Variants in FYN observed in about 807,000 individuals in gnomAD.
The protein encoded by FYN is FYN proto-oncogene, Src family tyrosine kinase, also known as tyrosine-protein kinase Fyn.
FYN carries 10 observed loss-of-function variants against 70.2 expected under a neutral mutation model. The ratio of observed to expected loss-of-function variants is 0.14; its 90% CI spans 0.09 to 0.24. FYN has a LOEUF of 0.24. FYN is among the 10% of genes least tolerant of loss of function. FYN has a pLI of 1.00. For missense variants in FYN, 319 were observed against 673.1 expected (o/e 0.47, Z 5.82); for synonymous variants, 236 against 248.6 (o/e 0.95, Z 0.48).
In FYN at chr6:111,780,587, C is replaced by T. The variant is rs989180346; in HGVS notation, c.-33G>A. 6.6e-6 allele frequency: 1 copy of T among 152,620 alleles called. No individual in the cohort carries two copies. The highest frequency in any genetic ancestry group is 2.4e-5 in the African/African-American group (1 of 41,450). 9.5% of individuals were successfully genotyped at this position (152,620 alleles called of 1,614,324 possible). ...TTACCAAAATGTCCGCCAACGATCA[C>T]AAACTTTATATACACCACATGTCTT... On this transcript the variant is annotated 5_prime_UTR_variant, in exon 3 of 14. It adds an upstream start codon to the 5' untranslated region. Transcript: ENST00000354650.
intron 3 of FYN, among the ~76,000 whole-genome samples, chr6:111,748,483 C>T (rs1802336652): frequency 6.6e-6 from 1 of 152,182 alleles, no homozygotes; most frequent in African/African-American, 2.4e-5. Context: ...AGGAGACATG[C>T]ATGGCGTATC....
intron 3 of FYN, among the ~76,000 whole-genome samples, chr6:111,740,567 C>G (rs1047637239): frequency 1.3e-5 from 2 of 152,164 alleles, no homozygotes; most frequent in Non-Finnish European, 2.9e-5. Context: ...TAAAGTTACT[C>G]CCAGGCTTAA....
chr6:111,751,696 C>T (rs891069446), intron 3 of FYN, among the ~76,000 whole-genome samples: 1 of 152,088 alleles, frequency 6.6e-6, no homozygotes, highest in Non-Finnish European at 1.5e-5. Flanking sequence ...ATCACAGCTC[C>T]CTGCAGCCTC....
At chr6:111,832,233 G>A (rs982906364) in intron 2 of FYN, among the ~76,000 whole-genome samples, 1 of 152,146 alleles carries the variant, frequency 6.6e-6, no homozygotes, top group Non-Finnish European at 1.5e-5. Flanking sequence ...GTGCTTCCAG[G>A]GATAGCGCCG....
chr6:111,705,521 G>A (rs1800041705), intron 6 of FYN, among the ~76,000 whole-genome samples: 1 of 151,902 alleles, frequency 6.6e-6, no homozygotes, highest in African/African-American at 2.4e-5. Flanking sequence ...TGGGACTAAA[G>A]GTGCACATCA....
intron 3 of FYN, among the ~76,000 whole-genome samples, chr6:111,748,015 A>C (rs1802308622): frequency 6.6e-6 from 1 of 152,246 alleles, no homozygotes; most frequent in South Asian, 2.1e-4. Flanking sequence ...GGAGCTGTGA[A>C]ATATGAGGCA....
At chr6:111,766,390 T>C (rs1562512194) in intron 3 of FYN, among the ~76,000 whole-genome samples, 1 of 152,216 alleles carries the variant, frequency 6.6e-6, no homozygotes, top group African/African-American at 2.4e-5. Flanking sequence ...GGAATGTACA[T>C]TGCTTTTAGG....
chr6:111,741,819 C>T (rs1583392943), intron 3 of FYN, among the ~76,000 whole-genome samples: 2 of 152,192 alleles, frequency 1.3e-5, no homozygotes. Context: ...TGGGCCTCCC[C>T]CTGAGAATTT....
At chr6:111,752,192 G>A (rs1012879891) in intron 3 of FYN, among the ~76,000 whole-genome samples, 6 of 152,044 alleles carry the variant, frequency 3.9e-5, no homozygotes, top group Admixed American at 2.6e-4. Context: ...GTCCAACTTC[G>A]TGATCTTGGC....
At chr6:111,730,595 G>A (rs756247095) in intron 3 of FYN, among the ~76,000 whole-genome samples, 1 of 152,082 alleles carries the variant, frequency 6.6e-6, no homozygotes, top group African/African-American at 2.4e-5. Context: ...GCCTGCCCTC[G>A]CTCTTGTTGC....
At chr6:111,748,740 ATGAT>A (rs1398988821) in intron 3 of FYN, among the ~76,000 whole-genome samples, 2 of 152,238 alleles carry the variant, frequency 1.3e-5, no homozygotes, top group Non-Finnish European at 2.9e-5. Flanking sequence ...ATTTTAAAAT[ATGAT>A]TACATGTTGA....
chr6:111,872,770 C>T (rs1236016895), intron 1 of FYN, among the ~76,000 whole-genome samples, 198 bp downstream of exon 1: 3 of 151,850 alleles, frequency 2.0e-5, no homozygotes, highest in East Asian at 3.9e-4. Flanking sequence ...GGGCCGCACC[C>T]CGCAGGGGTG....
intron 13 of FYN, among the ~76,000 whole-genome samples, chr6:111,671,982 C>T (rs1249211890): frequency 6.6e-6 from 1 of 152,144 alleles, no homozygotes; most frequent in Non-Finnish European, 1.5e-5. Context: ...TAGGAACAGG[C>T]CTGGGAACAA....
chr6:111,742,353 G>GA (rs922790661), intron 3 of FYN, among the ~76,000 whole-genome samples: 3 of 152,070 alleles, frequency 2.0e-5, no homozygotes, highest in Non-Finnish European at 4.4e-5. Context: ...TTCCAGTGTA[G>GA]AAAAAAACAC....
chr6:111,714,633 G>C (rs1446354675), intron 4 of FYN, 190 bp from the exon 5 acceptor site: 7 of 580,916 alleles, frequency 1.2e-5, no homozygotes, highest in Non-Finnish European at 2.1e-5. Flanking sequence ...GTCTTTGTAG[G>C]GGAAGCCTTA....
At chr6:111,699,563 A>G in intron 9 of FYN, 1 of 1,614,228 alleles carries the variant, frequency 6.2e-7, no homozygotes, top group Non-Finnish European at 8.5e-7. Flanking sequence ...TTCTCCAGAC[A>G]CAACGAACGA....
At chr6:111,848,145 T>G (rs1773584565) in intron 1 of FYN, among the ~76,000 whole-genome samples, 1 of 152,188 alleles carries the variant, frequency 6.6e-6, no homozygotes, top group Admixed American at 6.5e-5. Flanking sequence ...AGGGAACATG[T>G]ATAGAGTGGA....
intron 3 of FYN, among the ~76,000 whole-genome samples, chr6:111,756,624 AAT>A (rs1802748754): frequency 6.6e-6 from 1 of 152,180 alleles, no homozygotes. Context: ...TATCACGACT[AAT>A]GTGGATTTTT....
chr6:111,686,657 T>C (rs80273701), intron 12 of FYN, among the ~76,000 whole-genome samples: 4 of 152,238 alleles, frequency 2.6e-5, no homozygotes, highest in East Asian at 1.9e-4. Flanking sequence ...GTTTTTTTTT[T>C]CTTCCTTTTC....
Sources: gnomAD v4.1 joint callset for allele counts (sites outside exome capture counted in the v4.1 genomes callset) on GRCh38, gnomAD v4.1.1 for gene constraint, MANE v1.5 for transcripts, NCBI Gene and HGNC (gene_info 2026-07-23, HGNC 2026-07-21) for gene names.